The following ADAMTSL1 variants were observed in gnomAD, a reference collection of about 807,000 sequenced individuals.
The protein encoded by ADAMTSL1 is ADAMTS like 1, also known as ADAMTS-like protein 1.
In ADAMTSL1, 126 loss-of-function variants were observed where a neutral mutation model predicts 201.8. The ratio of observed to expected loss-of-function variants is 0.62; its 90% CI spans 0.54 to 0.72. ADAMTSL1 has a LOEUF of 0.72. Ranked by LOEUF, ADAMTSL1 falls within the 30% of genes least tolerant of loss-of-function variation. The probability of loss-of-function intolerance (pLI) is 0.00; values close to 1 mark genes in which losing one functional copy is unlikely to be tolerated. For missense variants in ADAMTSL1, 2,679 were observed against 2,277.8 expected (o/e 1.18, Z -3.59); for synonymous variants, 1,121 against 903.4 (o/e 1.24, Z -4.32).
chr9:18,312,335 C>G (rs1267300729), intron 2 of ADAMTSL1, among the ~76,000 whole-genome samples: 11 of 152,188 alleles, frequency 7.2e-5, no homozygotes, highest in Admixed American at 7.2e-4. Context: ...TTTGCTTGAG[C>G]AAAAGTGCTG....
In ADAMTSL1 at chr9:18,047,745, A is replaced by C. The variant is rs141789556; in HGVS notation, c.88-116117A>C. Among the ~76,000 whole-genome samples, 181 of 152,332 alleles carry C rather than the reference A, an allele frequency of 1.2e-3. 3 individuals are homozygous for C. Among genetic ancestry groups the C allele is most frequent in the African/African-American group, 3.2e-3 (133 of 41,572 alleles). ...AGACATTGAACGCAGGCAAAGAAGA[A>C]TAAAAAAATGATTTTGAAGTCTAAT... On this transcript the variant is annotated intron_variant, in intron 1 of 29. Transcript: ENST00000680146.
chr9:18,482,159 T>A (rs1056870888), intron 1 of ADAMTSL1, among the ~76,000 whole-genome samples: 4 of 152,202 alleles, frequency 2.6e-5, no homozygotes, highest in African/African-American at 9.6e-5. Context: ...GTAGGATAGT[T>A]GAAAGAAAGG....
chr9:18,493,095 G>C (rs373554235), intron 1 of ADAMTSL1, among the ~76,000 whole-genome samples: 8 of 152,202 alleles, frequency 5.3e-5, no homozygotes, highest in African/African-American at 1.9e-4. Flanking sequence ...ACATTGTATT[G>C]ATATTTTGCC....
chr9:18,357,967 T>A (rs1012711173), intron 2 of ADAMTSL1, among the ~76,000 whole-genome samples: 1 of 152,168 alleles, frequency 6.6e-6, no homozygotes, highest in Non-Finnish European at 1.5e-5. Flanking sequence ...TGTTGTTCAG[T>A]CTAAAGCTCC....
intron 2 of ADAMTSL1, among the ~76,000 whole-genome samples, chr9:18,209,169 C>G (rs1395238007): frequency 6.6e-6 from 1 of 151,762 alleles, no homozygotes; most frequent in Admixed American, 6.6e-5. Context: ...GTTTTTTTGT[C>G]TTTCTGAAAT....
intron 1 of ADAMTSL1, among the ~76,000 whole-genome samples, chr9:18,013,954 C>T (rs1046232780): frequency 8.6e-5 from 13 of 151,990 alleles, no homozygotes; most frequent in Non-Finnish European, 1.5e-5. Flanking sequence ...TAAAAGAGAA[C>T]CTGGGGGCAG....
chr9:17,978,138 C>G (rs1818529002), intron 1 of ADAMTSL1, among the ~76,000 whole-genome samples: 1 of 151,936 alleles, frequency 6.6e-6, no homozygotes, highest in Non-Finnish European at 1.5e-5. Flanking sequence ...TTTTAGTTTT[C>G]ATTTGTATGG....
rs568106248 is a variant in ADAMTSL1, at chr9:18,853,383, A to C, written c.4249+23406A>C. Among the ~76,000 whole-genome samples, 15 of 152,278 alleles carry C rather than the reference A, an allele frequency of 9.9e-5. No individual in the cohort carries two copies. In the South Asian group the frequency reaches 2.9e-3, roughly 30 times the overall value. On this transcript the variant is annotated intron_variant, in intron 23 of 28. Coordinates refer to ENST00000380548, the MANE Select transcript of ADAMTSL1 (RefSeq NM_001040272.6). ...TTTTTCAAGGATAGTTTGGTGGGTT[A>C]GGGAATGGGTACAGCTGATTGGTTA...
intron 3 of ADAMTSL1, among the ~76,000 whole-genome samples, chr9:18,553,502 T>C (rs981365829): frequency 3.3e-5 from 5 of 151,804 alleles, no homozygotes; most frequent in Non-Finnish European, 7.4e-5. Context: ...CTTGAAAACA[T>C]TCCACTTTAT....
intron 4 of ADAMTSL1, among the ~76,000 whole-genome samples, chr9:18,589,514 C>A (rs1823773207): frequency 6.6e-6 from 1 of 152,130 alleles, no homozygotes; most frequent in African/African-American, 2.4e-5. Context: ...ATTATGTCAT[C>A]TGCAAACAAG....
chr9:18,154,593 C>T (rs1005409541), intron 1 of ADAMTSL1, among the ~76,000 whole-genome samples: 1 of 152,010 alleles, frequency 6.6e-6, no homozygotes, highest in African/African-American at 2.4e-5. Flanking sequence ...TTAACAGGAA[C>T]AACATATTAT....
rs942635713 is a variant in ADAMTSL1, at chr9:17,906,973, G to T, written c.87+51G>T. 2.0e-5 allele frequency: 3 copies of T among 152,506 alleles called. No individual in the cohort carries two copies. In the East Asian group the frequency reaches 5.8e-4, roughly 30 times the overall value. The allele number at this position is 152,506 out of a possible 1,614,324, so 9.4% of individuals were successfully genotyped here. A position where few individuals can be genotyped will look rare whatever the true frequency, so the allele number is the denominator to read the frequency against. The stretch of plus-strand genomic sequence containing the variant: ...CCCTCCCGGGGACTCTGCTTCTAAA[G>T]CCTGTGCTACAGCGAAAAGCGCTAC... On this transcript the variant is annotated intron_variant, in intron 1 of 29. Coordinates refer to the ADAMTSL1 transcript ENST00000680146.
At chr9:18,502,280 T>A (rs1483043334) in intron 1 of ADAMTSL1, among the ~76,000 whole-genome samples, 1 of 152,246 alleles carries the variant, frequency 6.6e-6, no homozygotes, top group Non-Finnish European at 1.5e-5. Flanking sequence ...ACTGGTTTCA[T>A]CAAAGTCATA....
At chr9:18,849,146 C>A (rs1198939973) in intron 23 of ADAMTSL1, among the ~76,000 whole-genome samples, 2 of 152,204 alleles carry the variant, frequency 1.3e-5, no homozygotes, top group African/African-American at 4.8e-5. Flanking sequence ...CCAGCTAGAT[C>A]TAGGTCCTGG....
chr9:18,496,321 G>A (rs972057883), intron 1 of ADAMTSL1, among the ~76,000 whole-genome samples: 4 of 152,200 alleles, frequency 2.6e-5, no homozygotes, highest in Non-Finnish European at 5.9e-5. Context: ...TAAAAAAGAA[G>A]AAAGCATAAT....
intron 1 of ADAMTSL1, among the ~76,000 whole-genome samples, chr9:17,943,414 A>G (rs890039204): frequency 7.2e-5 from 11 of 152,132 alleles, no homozygotes. Context: ...GGTAAAGATC[A>G]TTCTCACCTT....
chr9:18,623,587 A>G (rs1466675104), intron 5 of ADAMTSL1, among the ~76,000 whole-genome samples: 1 of 152,184 alleles, frequency 6.6e-6, no homozygotes, highest in Non-Finnish European at 1.5e-5. Flanking sequence ...TCCTGCTAGG[A>G]TAGATGGTAC....
chr9:18,342,074 G>T (rs1835487013), intron 2 of ADAMTSL1, among the ~76,000 whole-genome samples: 1 of 152,048 alleles, frequency 6.6e-6, no homozygotes, highest in South Asian at 2.1e-4. Flanking sequence ...AAAATATCAT[G>T]CTGCCATTTT....
intron 3 of ADAMTSL1, among the ~76,000 whole-genome samples, chr9:18,550,396 A>G (rs1281837588): frequency 6.6e-6 from 1 of 151,944 alleles, no homozygotes; most frequent in Non-Finnish European, 1.5e-5. Context: ...AAAAGAAACC[A>G]GAGATTCTAA....
Sources: allele counts gnomAD v4.1 joint callset (sites outside exome capture counted in the v4.1 genomes callset), GRCh38; gene constraint gnomAD v4.1.1; transcripts MANE v1.5; gene names NCBI Gene and HGNC (gene_info 2026-07-23, HGNC 2026-07-21).